MYO5B: variants seen among roughly 807,000 people sequenced by gnomAD.
The protein encoded by MYO5B is unconventional myosin-Vb.
In MYO5B, 143 loss-of-function variants were observed where a neutral mutation model predicts 229.3. The ratio of observed to expected loss-of-function variants is 0.62; its 90% CI spans 0.54 to 0.72. MYO5B has a LOEUF of 0.72. Ranked by LOEUF, MYO5B falls within the 30% of genes least tolerant of loss-of-function variation. The probability of loss-of-function intolerance (pLI) is 0.00; values close to 1 mark genes in which losing one functional copy is unlikely to be tolerated. For missense variants in MYO5B, 2,321 were observed against 2,331.0 expected (o/e 1.00, Z 0.09); for synonymous variants, 918 against 885.2 (o/e 1.04, Z -0.66).
At chr18:49,948,656 C>A (rs1446919498) in intron 14 of MYO5B, among the ~76,000 whole-genome samples, 1 of 152,134 alleles carries the variant, frequency 6.6e-6, no homozygotes, top group Non-Finnish European at 1.5e-5. Flanking sequence ...AAAAAGCAAA[C>A]TTATTTGGTC....
Position 50,068,882 on chromosome 18 carries a change from G to A in MYO5B, c.28-13504C>T, listed in dbSNP as rs369683702. ...CATTTAACCACCTTCCTGCTTCCCA[G>A]TAAGACGGTTGCCCAGGGCAACATC... is the stretch of plus-strand genomic sequence containing the variant. On this transcript the variant is annotated intron_variant, in intron 1 of 39. Transcript: ENST00000285039. Among the ~76,000 whole-genome samples the A allele has an allele frequency of 8.5e-5, 13 of 152,288 alleles. No homozygotes were observed. In the South Asian group the frequency reaches 1.9e-3, roughly 22 times the overall value.
At chr18:50,116,121 AAGAC>A (rs1245834135) in intron 1 of MYO5B, among the ~76,000 whole-genome samples, 1 of 152,248 alleles carries the variant, frequency 6.6e-6, no homozygotes, top group Non-Finnish European at 1.5e-5. Context: ...CTGAAAGTCT[AAGAC>A]AGACTCCTAA....
At chr18:50,055,245 C>G (rs746442720) in intron 2 of MYO5B, 23 bp downstream of exon 2, 1 of 1,104,320 alleles carries the variant, frequency 9.1e-7, no homozygotes, top group East Asian at 2.4e-5. Flanking sequence ...ACCCCCGCCC[C>G]CCTGCCCCGG....
chr18:50,009,787 C>T (rs1179224396), intron 4 of MYO5B, among the ~76,000 whole-genome samples: 2 of 152,192 alleles, frequency 1.3e-5, no homozygotes, highest in East Asian at 3.8e-4. Flanking sequence ...CGGAATGTTC[C>T]AAGCAAGAGA....
intron 1 of MYO5B, among the ~76,000 whole-genome samples, chr18:50,122,807 T>C (rs1409139894): frequency 6.6e-6 from 1 of 151,640 alleles, no homozygotes; most frequent in African/African-American, 2.4e-5. Context: ...AAAAATAAAA[T>C]AGAAAATAAG....
At chr18:49,922,271 TCTC>T (rs1309043686) in intron 17 of MYO5B, among the ~76,000 whole-genome samples, 1 of 152,122 alleles carries the variant, frequency 6.6e-6, no homozygotes, top group Non-Finnish European at 1.5e-5. Flanking sequence ...CATATACCAA[TCTC>T]CTGGATTAAG....
intron 4 of MYO5B, among the ~76,000 whole-genome samples, chr18:50,020,826 G>C (rs1325418611): frequency 6.6e-6 from 1 of 152,240 alleles, no homozygotes; most frequent in African/African-American, 2.4e-5. Context: ...GCTAAACAAA[G>C]TGCTAGGCCA....
chr18:50,037,747 T>C (rs1388641565), intron 3 of MYO5B, among the ~76,000 whole-genome samples: 2 of 152,112 alleles, frequency 1.3e-5, no homozygotes, highest in African/African-American at 2.4e-5. Context: ...AAAAAAAGTA[T>C]TAGCTGGGCA....
At chr18:50,188,634 A>G (rs1227001101) in intron 1 of MYO5B, among the ~76,000 whole-genome samples, 1 of 152,048 alleles carries the variant, frequency 6.6e-6, no homozygotes, top group African/African-American at 2.4e-5. Context: ...TAAAAATACA[A>G]AAAGTAGCCG....
chr18:50,021,887 TCCTC>T (rs2026279489), intron 4 of MYO5B, among the ~76,000 whole-genome samples: 1 of 152,124 alleles, frequency 6.6e-6, no homozygotes, highest in Non-Finnish European at 1.5e-5. Flanking sequence ...GGAAGTTCTC[TCCTC>T]CCTAACAATC....
At chr18:49,909,721 G>T (rs2024937517) in intron 18 of MYO5B, among the ~76,000 whole-genome samples, 1 of 152,238 alleles carries the variant, frequency 6.6e-6, no homozygotes, top group South Asian at 2.1e-4. Flanking sequence ...CTGGCCCATA[G>T]AAGATGGAGT....
intron 1 of MYO5B, among the ~76,000 whole-genome samples, chr18:50,076,521 C>G (rs2031082557): frequency 6.6e-6 from 1 of 152,212 alleles, no homozygotes; most frequent in Admixed American, 6.5e-5. Flanking sequence ...CGGAATATGT[C>G]AGGACACACC....
chr18:50,156,310 A>C (rs1195799195), intron 1 of MYO5B, among the ~76,000 whole-genome samples: 1 of 152,168 alleles, frequency 6.6e-6, no homozygotes, highest in Non-Finnish European at 1.5e-5. Context: ...TCCCCACCCA[A>C]ATCTCATCTT....
intron 4 of MYO5B, among the ~76,000 whole-genome samples, chr18:50,021,294 AG>A (rs2026271691): frequency 6.6e-6 from 1 of 152,190 alleles, no homozygotes; most frequent in Admixed American, 6.5e-5. Flanking sequence ...CTAGAAGCAC[AG>A]GTTCTCCAGA....
At position 50,041,681 on chromosome 18, in the gene MYO5B, T is replaced by A. The variant is rs183870544; in HGVS notation, c.139-1367A>T. ...AGATAGAACAAACATTAAAAAAAAA[T>A]TTTTTTAACTGGGCAAGTATTTGTG... On this transcript the variant is annotated intron_variant, in intron 2 of 39. Coordinates refer to ENST00000285039, the MANE Select transcript of MYO5B (RefSeq NM_001080467.3). Among the ~76,000 whole-genome samples, 116 of 152,082 alleles carry A rather than the reference T, an allele frequency of 7.6e-4. 1 individual carries two copies. In the East Asian group the frequency reaches 0.011, roughly 14 times the overall value.
intron 1 of MYO5B, among the ~76,000 whole-genome samples, chr18:50,178,212 C>T (rs138958853): frequency 2.0e-5 from 3 of 152,182 alleles, no homozygotes; most frequent in South Asian, 2.1e-4. Context: ...CAAATCAGAG[C>T]GTTAAAAGCT....
Position 50,053,488 on chromosome 18 carries a change from T to A in MYO5B, c.138+1780A>T, listed in dbSNP as rs1310233163. ...TGAAACGAAATCTGCTGGAGTAGAG[T>A]AGAAGATACACCATTCAAGTGGGTG... On this transcript the variant is annotated intron_variant, in intron 2 of 39. Transcript: ENST00000285039. Among the ~76,000 whole-genome samples the A allele has an allele frequency of 2.0e-5, 3 of 152,080 alleles. No individual in the cohort carries two copies. The East Asian group carries it at 5.8e-4, about 29-fold the overall frequency.
chr18:50,116,058 T>A (rs1234840298), intron 1 of MYO5B, among the ~76,000 whole-genome samples: 1 of 152,178 alleles, frequency 6.6e-6, no homozygotes, highest in African/African-American at 2.4e-5. Flanking sequence ...CTAACCAAAA[T>A]GGTTTTCCTA....
chr18:50,007,445 T>G (rs1191044326), intron 4 of MYO5B, among the ~76,000 whole-genome samples: 1 of 152,212 alleles, frequency 6.6e-6, no homozygotes, highest in Non-Finnish European at 1.5e-5. Flanking sequence ...TCCTCTAACA[T>G]GTCCTTCTCA....
Sources: allele counts gnomAD v4.1 joint callset (sites outside exome capture counted in the v4.1 genomes callset), GRCh38; gene constraint gnomAD v4.1.1; transcripts MANE v1.5; gene names NCBI Gene and HGNC (gene_info 2026-07-23, HGNC 2026-07-21).